RFX6: variants seen among roughly 807,000 people sequenced by gnomAD.
RFX6 encodes the protein regulatory factor X6.
A neutral mutation model predicts 110.8 loss-of-function variants in RFX6; 50 were observed. That is an observed-to-expected ratio of 0.45 (90% CI 0.36 to 0.57). RFX6 has a LOEUF of 0.57. RFX6 is among the 20% of genes least tolerant of loss of function. The pLI is 0.00. For synonymous variants in RFX6, 383 were observed against 411.2 expected (o/e 0.93, Z 0.83); for missense variants, 990 against 1,127.0 (o/e 0.88, Z 1.74).
At chr6:116,926,622 A>C (rs936780253) in intron 16 of RFX6, among the ~76,000 whole-genome samples, 4 of 152,200 alleles carry the variant, frequency 2.6e-5, no homozygotes, top group African/African-American at 9.6e-5. Context: ...TGACATTTTG[A>C]ATTGACTGCT....
intron 10 of RFX6, 51 bp from the exon 11 acceptor site, chr6:116,919,082 ATTGT>A (rs1314048192): frequency 6.8e-7 from 1 of 1,474,030 alleles, no homozygotes; most frequent in African/African-American, 1.4e-5. Context: ...TTAAAATATG[ATTGT>A]TTAATGCATT....
chr6:116,881,237 T>C (rs996094874), intron 3 of RFX6, among the ~76,000 whole-genome samples: 1 of 151,996 alleles, frequency 6.6e-6, no homozygotes, highest in Non-Finnish European at 1.5e-5. Context: ...ATTATGCTTA[T>C]ATATAGAGAG....
intron 16 of RFX6, 96 bp from the exon 17 acceptor site, chr6:116,926,931 A>G: frequency 1.7e-6 from 2 of 1,193,946 alleles, no homozygotes; most frequent in Non-Finnish European, 2.5e-6. Context: ...CAAGCTGGAA[A>G]ACAATACATT....
At chr6:116,898,772 C>T (rs1775005098) in intron 6 of RFX6, among the ~76,000 whole-genome samples, 1 of 152,078 alleles carries the variant, frequency 6.6e-6, no homozygotes, top group Non-Finnish European at 1.5e-5. Flanking sequence ...GCATTTCTCT[C>T]AGGAATGGTA....
chr6:116,926,095 G>T (rs673065), intron 16 of RFX6, among the ~76,000 whole-genome samples: 36,907 of 151,924 alleles, frequency 0.24, 4,862 homozygotes, highest in South Asian at 0.42. Flanking sequence ...GGCGAGCAGA[G>T]CACCTGAGGT....
Position 116,882,389 on chromosome 6 carries a change from T to C in RFX6, c.527T>C (p.Leu176Pro). 1.2e-6 allele frequency: 2 copies of C among 1,612,936 alleles called. No individual in the cohort carries two copies. The highest frequency in any genetic ancestry group is 1.7e-6 in the Non-Finnish European group (2 of 1,179,072). ...TAGACAATTCGCCAGAAGTTTCCCC[T>C]CCTAACAACAAGGCGGCTTGGAACA... ...FGKTIRQKFPLLTTRRLGTRG... is the reference protein window; with the variant it reads ...FGKTIRQKFPPLTTRRLGTRG... Residue 176 changes from leucine to proline, a missense_variant, in exon 4 of 19, where the codon CTC becomes CCC. Physicochemically the swap from Leu to Pro is moderately conservative, Grantham distance 98. Transcript: ENST00000332958.
rs750758277 is a variant in RFX6 at position 116,927,544 on chromosome 6, T to A, written c.2398+5T>A. Reference sequence around the variant, plus strand: ...TGCCTCCTAATTCACCAAATGGTATTGATATTTAAAAGAATTTTTCTTGGT... The same window carrying A: ...TGCCTCCTAATTCACCAAATGGTATAGATATTTAAAAGAATTTTTCTTGGT... On this transcript the variant is annotated splice_donor_5th_base_variant and intron_variant, in intron 17 of 18. Coordinates refer to ENST00000332958, the MANE Select transcript of RFX6 (RefSeq NM_173560.4). 3 of 1,611,662 alleles carry A rather than the reference T, an allele frequency of 1.9e-6. No individual in the cohort carries two copies. The highest frequency in any genetic ancestry group is 1.7e-5 in the Admixed American group (1 of 59,972).
At chr6:116,883,397 C>G (rs1023597149) in intron 4 of RFX6, among the ~76,000 whole-genome samples, 1 of 152,122 alleles carries the variant, frequency 6.6e-6, no homozygotes, top group African/African-American at 2.4e-5. Context: ...CTGCCTCCTT[C>G]TGCCCTGACA....
At chr6:116,901,203 A>T (rs1775066879) in intron 6 of RFX6, among the ~76,000 whole-genome samples, 1 of 152,178 alleles carries the variant, frequency 6.6e-6, no homozygotes, top group African/African-American at 2.4e-5. Flanking sequence ...TATTAAACGC[A>T]TTTTTGACTT....
chr6:116,916,164 G>GA, intron 8 of RFX6, 37 bp from the exon 9 acceptor site: 1 of 1,574,784 alleles, frequency 6.4e-7, no homozygotes, highest in Non-Finnish European at 8.7e-7. Flanking sequence ...TCATGTTAAA[G>GA]AAAAAAATCT....
At chr6:116,897,697 G>A (rs1774980045) in intron 6 of RFX6, among the ~76,000 whole-genome samples, 1 of 152,224 alleles carries the variant, frequency 6.6e-6, no homozygotes, top group South Asian at 2.1e-4. Flanking sequence ...TGGATAGTCT[G>A]TGTAAGAGAA....
intron 2 of RFX6, among the ~76,000 whole-genome samples, chr6:116,879,101 C>T (rs1306216599): frequency 4.6e-5 from 7 of 151,642 alleles, no homozygotes; most frequent in Non-Finnish European, 8.9e-5. Context: ...TGAGCTGTTT[C>T]GAATGATTAC....
chr6:116,900,399 C>T (rs1450652604), intron 6 of RFX6, among the ~76,000 whole-genome samples: 3 of 151,934 alleles, frequency 2.0e-5, no homozygotes, highest in East Asian at 1.9e-4. Context: ...GGATTACAGG[C>T]GTGCGCCGCC....
chr6:116,898,025 C>T (rs941271811), intron 6 of RFX6, among the ~76,000 whole-genome samples: 6 of 151,760 alleles, frequency 4.0e-5, no homozygotes, highest in Admixed American at 6.6e-5. Flanking sequence ...GAGGAAGAGT[C>T]GGTGAGATAA....
chr6:116,917,990 G>T, intron 9 of RFX6, 47 bp from the exon 10 acceptor site: 1 of 1,342,822 alleles, frequency 7.4e-7, no homozygotes, highest in South Asian at 1.2e-5. Context: ...TCTTTCTATA[G>T]AAATACTAAG....
chr6:116,899,626 T>TTAG (rs1775023868), intron 6 of RFX6, among the ~76,000 whole-genome samples: 1 of 152,174 alleles, frequency 6.6e-6, no homozygotes, highest in African/African-American at 2.4e-5. Context: ...ATAAAATTAT[T>TTAG]CAGGAGGTGT....
chr6:116,931,255 A>G lies in RFX6; in HGVS notation c.2612-76A>G, dbSNP rs965735214. The G allele has an allele frequency of 7.4e-6, 8 of 1,082,018 alleles. No individual in the cohort carries two copies. The African/African-American group carries it at 9.3e-5, about 13-fold the overall frequency. The allele number at this position is 1,082,018 out of a possible 1,614,324, so 67.0% of individuals were successfully genotyped here. ...CTAAGTGCAAAAATAAATACAGGGTATTAAAATGAGTGGCATTTGCAGAGA... is the reference window on the plus strand; with the variant it reads ...CTAAGTGCAAAAATAAATACAGGGTGTTAAAATGAGTGGCATTTGCAGAGA... On this transcript the variant is annotated intron_variant, in intron 18 of 18. Coordinates refer to ENST00000332958, the MANE Select transcript of RFX6 (RefSeq NM_173560.4).
intron 5 of RFX6, among the ~76,000 whole-genome samples, 156 bp downstream of exon 5, chr6:116,894,220 A>C (rs964938689): frequency 6.6e-6 from 1 of 152,152 alleles, no homozygotes; most frequent in South Asian, 2.1e-4. Context: ...TATATAATCT[A>C]GATTACTGGG....
chr6:116,925,446 T>C lies in RFX6; in HGVS notation c.1679-7T>C. The C allele has an allele frequency of 1.2e-6, 2 of 1,612,092 alleles. No individual in the cohort carries two copies. The highest frequency in any genetic ancestry group is 2.2e-5 in the East Asian group (1 of 44,872). The stretch of plus-strand genomic sequence containing the variant: ...CTCAAATTTCCCATTTTAAAAACTC[T>C]TTCCAGATGCGAGTAAAGCTGCTTT... On this transcript the variant is annotated splice_polypyrimidine_tract_variant and splice_region_variant and intron_variant, in intron 15 of 18. Coordinates refer to ENST00000332958, the MANE Select transcript of RFX6 (RefSeq NM_173560.4).
Sources: gnomAD v4.1 joint callset for allele counts (sites outside exome capture counted in the v4.1 genomes callset) on GRCh38, gnomAD v4.1.1 for gene constraint, MANE v1.5 for transcripts, NCBI Gene and HGNC (gene_info 2026-07-23, HGNC 2026-07-21) for gene names.